The following RGS7 variants were observed in gnomAD, a reference collection of about 807,000 sequenced individuals.
The protein encoded by RGS7 is regulator of G protein signaling 7.
A neutral mutation model predicts 81.1 loss-of-function variants in RGS7; 27 were observed. The observed-to-expected ratio is 0.33, with a 90% CI of 0.25 to 0.46. The LOEUF (loss-of-function observed/expected upper bound fraction) is 0.46, where lower values mean the gene tolerates loss of function less well. Among genes scored for constraint, RGS7 ranks in the 20% least tolerant of loss-of-function variants. RGS7 has a pLI of 1.00. For synonymous variants in RGS7, 208 were observed against 207.7 expected (o/e 1.00, Z -0.01); for missense variants, 396 against 607.4 (o/e 0.65, Z 3.66).
At chr1:240,883,893 T>C (rs538898129) in intron 6 of RGS7, among the ~76,000 whole-genome samples, 14 of 151,844 alleles carry the variant, frequency 9.2e-5, no homozygotes, top group Non-Finnish European at 1.8e-4. Context: ...CTGGCCAACA[T>C]GGTGAAACCC....
At chr1:241,310,260 G>GT (rs373592806) in intron 2 of RGS7, among the ~76,000 whole-genome samples, 2 of 152,180 alleles carry the variant, frequency 1.3e-5, no homozygotes, top group African/African-American at 4.8e-5. Flanking sequence ...GAAATTGACT[G>GT]AAGTAGCACC....
intron 14 of RGS7, among the ~76,000 whole-genome samples, chr1:240,810,338 T>C (rs1443663280): frequency 6.6e-6 from 1 of 152,156 alleles, no homozygotes; most frequent in East Asian, 1.9e-4. Flanking sequence ...ATGATACAAA[T>C]GATATCAGCA....
At chr1:241,125,681 G>C (rs932392606) in intron 2 of RGS7, among the ~76,000 whole-genome samples, 1 of 152,190 alleles carries the variant, frequency 6.6e-6, no homozygotes, top group East Asian at 1.9e-4. Flanking sequence ...CATAGTAGGT[G>C]CTTAGAAAAT....
At chr1:241,067,500 T>C (rs2062134724) in intron 3 of RGS7, among the ~76,000 whole-genome samples, 1 of 147,206 alleles carries the variant, frequency 6.8e-6, no homozygotes, top group Non-Finnish European at 1.5e-5. Context: ...TCAAGTAAAA[T>C]ACAGAAACCT....
chr1:241,291,317 A>C (rs2079074191), intron 2 of RGS7, among the ~76,000 whole-genome samples: 1 of 141,882 alleles, frequency 7.0e-6, no homozygotes, highest in Non-Finnish European at 1.6e-5. Flanking sequence ...TTCCTAAGTA[A>C]GACTCACAGT....
intron 2 of RGS7, among the ~76,000 whole-genome samples, chr1:241,296,774 T>G (rs1323606346): frequency 1.3e-5 from 2 of 152,374 alleles, no homozygotes; most frequent in East Asian, 1.9e-4. Flanking sequence ...TGCAGGTGCC[T>G]GCAAGCACTG....
chr1:240,884,152 G>C (rs370007925), intron 6 of RGS7, among the ~76,000 whole-genome samples: 39 of 150,958 alleles, frequency 2.6e-4, no homozygotes, highest in African/African-American at 9.0e-4. Flanking sequence ...CTCAATCAGG[G>C]AAGGCTGTGG....
chr1:241,349,102 T>C (rs930989424), intron 2 of RGS7, among the ~76,000 whole-genome samples: 4 of 152,260 alleles, frequency 2.6e-5, no homozygotes, highest in Admixed American at 2.6e-4. Flanking sequence ...TATCCCATTC[T>C]AGCATCAAAC....
chr1:241,304,096 T>C (rs1395159771), intron 2 of RGS7, among the ~76,000 whole-genome samples: 2 of 152,242 alleles, frequency 1.3e-5, no homozygotes, highest in African/African-American at 4.8e-5. Context: ...ATTTACACTT[T>C]ATTTTATTAA....
chr1:240,874,771 T>C (rs1188531409), intron 6 of RGS7, among the ~76,000 whole-genome samples: 1 of 152,198 alleles, frequency 6.6e-6, no homozygotes, highest in Non-Finnish European at 1.5e-5. Flanking sequence ...CCGGGTGCAG[T>C]GGATCATGCC....
At chr1:240,932,330 A>G (rs1213058438) in intron 5 of RGS7, among the ~76,000 whole-genome samples, 2 of 152,074 alleles carry the variant, frequency 1.3e-5, no homozygotes, top group African/African-American at 4.8e-5. Context: ...AAAAGACTAA[A>G]CTGCTAGACA....
In RGS7 at chr1:240,988,143, T is replaced by C. The variant is rs376135768; in HGVS notation, c.176-5014A>G. 1.2e-4 allele frequency among the ~76,000 whole-genome samples: 18 copies of C among 151,656 alleles called. 1 individual carries two copies. Among genetic ancestry groups the C allele is most frequent in the Admixed American group, 4.0e-4 (6 of 15,168 alleles). On this transcript the variant is annotated intron_variant, in intron 3 of 18. Coordinates refer to ENST00000440928, the MANE Select transcript of RGS7 (RefSeq NM_001364886.1). ...TCAACACAGATCATCGTTAAATGTT[T>C]ACTGAAGGCATGAGTCACTATTTAT...
chr1:241,292,102 T>C (rs2079123592), intron 2 of RGS7, among the ~76,000 whole-genome samples: 1 of 152,190 alleles, frequency 6.6e-6, no homozygotes, highest in African/African-American at 2.4e-5. Context: ...TGGAAGGTCT[T>C]CAGAGGCGGT....
chr1:241,013,770 G>C (rs2059091201), intron 3 of RGS7, among the ~76,000 whole-genome samples: 1 of 152,144 alleles, frequency 6.6e-6, no homozygotes, highest in South Asian at 2.1e-4. Flanking sequence ...TACCTAAAAG[G>C]GGCACAATGA....
At chr1:241,173,234 C>T (rs2070862314) in intron 2 of RGS7, among the ~76,000 whole-genome samples, 1 of 152,170 alleles carries the variant, frequency 6.6e-6, no homozygotes, top group South Asian at 2.1e-4. Flanking sequence ...CCTCTGACCT[C>T]TACTCTAGCT....
chr1:241,042,128 C>T (rs746627558), intron 3 of RGS7, among the ~76,000 whole-genome samples: 4 of 152,230 alleles, frequency 2.6e-5, no homozygotes, highest in East Asian at 1.9e-4. Flanking sequence ...ATAATGGCTG[C>T]GATTCCTTCC....
chr1:241,267,676 C>T (rs759834743), intron 2 of RGS7, among the ~76,000 whole-genome samples: 19 of 152,136 alleles, frequency 1.2e-4, no homozygotes, highest in Non-Finnish European at 2.2e-4. Flanking sequence ...AATTTCTTTG[C>T]CTTTTATTTT....
chr1:241,285,203 G>C (rs1016096485), intron 2 of RGS7, among the ~76,000 whole-genome samples: 1 of 152,086 alleles, frequency 6.6e-6, no homozygotes, highest in Non-Finnish European at 1.5e-5. Context: ...CCTTTTTCCA[G>C]GGCTTTGACT....
intron 7 of RGS7, among the ~76,000 whole-genome samples, chr1:240,869,682 G>A (rs1664124626): frequency 6.6e-6 from 1 of 152,028 alleles, no homozygotes; most frequent in Non-Finnish European, 1.5e-5. Context: ...GCTCGTGCCT[G>A]TAATCCCAAC....
Sources: allele counts gnomAD v4.1 joint callset (sites outside exome capture counted in the v4.1 genomes callset), GRCh38; gene constraint gnomAD v4.1.1; transcripts MANE v1.5; gene names NCBI Gene and HGNC (gene_info 2026-07-23, HGNC 2026-07-21).